Variants in ENTPD4 observed in about 807,000 individuals in gnomAD.
ENTPD4 encodes ectonucleoside triphosphate diphosphohydrolase 4, also known as Golgi UDPase.
A neutral mutation model predicts 79.1 loss-of-function variants in ENTPD4; 60 were observed. That is an observed-to-expected ratio of 0.76 (90% CI 0.62 to 0.94). ENTPD4 has a LOEUF of 0.94. Among genes scored for constraint, ENTPD4 ranks in the 40% least tolerant of loss-of-function variants. The pLI is 0.00. For missense variants in ENTPD4, 772 were observed against 775.1 expected, an observed-to-expected ratio of 1.00 and a Z score of 0.05; for synonymous variants, 276 against 292.0, an observed-to-expected ratio of 0.95 and a Z score of 0.56.
At chr8:23,452,839 G>A (rs936505462) in intron 1 of ENTPD4, among the ~76,000 whole-genome samples, 11 of 152,166 alleles carry the variant, frequency 7.2e-5, no homozygotes, top group Non-Finnish European at 1.0e-4. Flanking sequence ...ATGAGTCCTC[G>A]GTGAGTTTCC....
At position 23,439,827 on chromosome 8, in the gene ENTPD4, G is replaced by A. The variant is rs150964939; in HGVS notation, c.971C>T (p.Thr324Met). 6.2e-6 allele frequency: 10 copies of A among 1,614,074 alleles called. No individual in the cohort carries two copies. Among genetic ancestry groups the A allele is most frequent in the African/African-American group, 1.3e-5 (1 of 75,022 alleles). ...TEHVYRVYVA[T>M]FLGFGGNAAR... ...AGCATTGCCACCAAACCCAAGAAAC[G>A]TGGCCACATAGACTCGATACACATG... Residue 324 changes from threonine to methionine, a missense_variant, in exon 9 of 13, where the codon ACG becomes ATG. Coordinates refer to ENST00000358689, the MANE Select transcript of ENTPD4 (RefSeq NM_004901.5).
chr8:23,437,103 A>G lies in ENTPD4; in HGVS notation c.1205T>C (p.Phe402Ser), dbSNP rs761851175. Reference protein sequence around the residue: ...FDLCRETIQPFMNKTNETQTS... With the variant: ...FDLCRETIQPSMNKTNETQTS... ...CTGGGTCTCGTTTGTTTTATTCATGAAAGGCTGGATAGTCTCTCGACACAG... is the reference window on the plus strand; with the variant it reads ...CTGGGTCTCGTTTGTTTTATTCATGGAAGGCTGGATAGTCTCTCGACACAG... The change falls in exon 10 of 13, where the codon TTC (phenylalanine) becomes TCC (serine). Residue 402 changes from phenylalanine (F) to serine (S), a missense_variant. By Grantham distance (155) the Phe-to-Ser change is radical. Transcript: ENST00000358689. The G allele has an allele frequency of 3.1e-6, 5 of 1,614,196 alleles. No homozygotes were observed. The Admixed American group carries it at 6.7e-5, about 22-fold the overall frequency.
chr8:23,444,351 A>G lies in ENTPD4; in HGVS notation c.563+105T>C, dbSNP rs1398372414. On this transcript the variant is annotated intron_variant, in intron 5 of 12. Coordinates refer to ENST00000358689, the MANE Select transcript of ENTPD4 (RefSeq NM_004901.5). Reference sequence around the variant, plus strand: ...AAAGAATTTTGAATATTTTCCTTTCAATGATGATGATGATGATGGAGAGGA... The same window carrying G: ...AAAGAATTTTGAATATTTTCCTTTCGATGATGATGATGATGATGGAGAGGA... The G allele has an allele frequency of 7.1e-6, 7 of 992,650 alleles. No homozygotes were observed. In the South Asian group the frequency reaches 9.3e-5, roughly 13 times the overall value. The allele number at this position is 992,650 out of a possible 1,614,324, so 61.5% of individuals were successfully genotyped here.
chr8:23,447,844 T>C lies in ENTPD4; in HGVS notation c.248A>G (p.Asn83Ser), dbSNP rs142458188. Residue 83 changes from asparagine (N) to serine (S), a missense_variant, in exon 4 of 13, where the codon AAT becomes AGT. Coordinates refer to ENST00000358689, the MANE Select transcript of ENTPD4 (RefSeq NM_004901.5). ...GATCCCATAGTTCACATTGGGGTTA[T>C]TGGTGTCTGTAGCTTCAATGTCGGT... Reference protein sequence around the residue: ...RVTDIEATDTNNPNVNYGIVV... With the variant: ...RVTDIEATDTSNPNVNYGIVV... The C allele has an allele frequency of 4.8e-3, 7,737 of 1,614,200 alleles. 50 individuals carry two copies. The highest frequency in any genetic ancestry group is 6.9e-3 in the Middle Eastern group (42 of 6,062).
intron 9 of ENTPD4, among the ~76,000 whole-genome samples, chr8:23,437,586 T>G (rs941003628): frequency 1.3e-5 from 2 of 152,336 alleles, no homozygotes; most frequent in Non-Finnish European, 1.5e-5. Context: ...AGCCCCATTT[T>G]TGCACTAGTG....
intron 1 of ENTPD4, among the ~76,000 whole-genome samples, chr8:23,454,968 C>T (rs139485914): frequency 9.2e-5 from 14 of 152,242 alleles, no homozygotes; most frequent in African/African-American, 3.4e-4. Context: ...TTCAGTAATA[C>T]CACATAAAAC....
intron 4 of ENTPD4, 152 bp downstream of exon 4, chr8:23,447,528 A>G (rs913609416): frequency 1.5e-6 from 1 of 684,478 alleles, no homozygotes; most frequent in Non-Finnish European, 2.6e-6. Flanking sequence ...AATGGACAGA[A>G]AAGGGAAAAG....
chr8:23,455,890 G>A (rs1387109784), intron 1 of ENTPD4, among the ~76,000 whole-genome samples: 2 of 152,224 alleles, frequency 1.3e-5, no homozygotes, highest in East Asian at 3.9e-4. Flanking sequence ...TCCCACATCC[G>A]GTGTTGACAA....
chr8:23,455,689 C>T (rs1163826024), intron 1 of ENTPD4, among the ~76,000 whole-genome samples: 1 of 152,140 alleles, frequency 6.6e-6, no homozygotes, highest in Non-Finnish European at 1.5e-5. Flanking sequence ...CCTGAATTAA[C>T]TCTGACTTTC....
rs1487258495 is a variant in ENTPD4 at position 23,443,950 on chromosome 8, C to G, written c.567G>C (p.Gln189His). 2 of 1,603,724 alleles carry G rather than the reference C, an allele frequency of 1.2e-6. No individual in the cohort carries two copies. The highest frequency in any genetic ancestry group is 8.5e-7 in the Non-Finnish European group (1 of 1,171,366). The change falls in exon 6 of 13, where the codon CAG becomes CAC. Residue 189 changes from glutamine to histidine, a missense_variant. Physicochemically the swap from Gln to His is conservative, Grantham distance 24. Transcript: ENST00000358689. ...TAGMRILPES[Q>H]QKAILEDLLT... ...GAAGGTCTTCCAGAATAGCTTTCTG[C>G]TGGCTGTAAAGTAATAAAAACATTT...
In ENTPD4 at chr8:23,430,170, C is replaced by T; in HGVS notation, c.*2756G>A. The T allele has an allele frequency of 1.0e-6, 1 of 985,482 alleles. No homozygotes were observed. The highest frequency in any genetic ancestry group is 1.2e-6 in the Non-Finnish European group (1 of 829,956). The allele number at this position is 985,482 out of a possible 1,614,324, so 61.0% of individuals were successfully genotyped here. A position where few individuals can be genotyped will look rare whatever the true frequency, so the allele number is the denominator to read the frequency against. ...ACCCTGTATCTCTTAGAGAAAGCACCTGGCTGTCTTCACCTACGCGAGACC... is the reference window on the plus strand; with the variant it reads ...ACCCTGTATCTCTTAGAGAAAGCACTTGGCTGTCTTCACCTACGCGAGACC... On this transcript the variant is annotated 3_prime_UTR_variant, in exon 13 of 13. Coordinates refer to ENST00000358689, the MANE Select transcript of ENTPD4 (RefSeq NM_004901.5).
In ENTPD4 at chr8:23,432,985, C is replaced by CCGAGCTGCTCCGGGGAGTG; in HGVS notation, c.1773_1791dup (p.Ala598HisfsTer91). ...CCCTCCTCCATCCAGAGGGCGGCGGCCGAGCTGCTCCGGGGAGTGCGCCTG... is the reference window on the plus strand; with the variant it reads ...CCCTCCTCCATCCAGAGGGCGGCGGCCGAGCTGCTCCGGGGAGTGCGAGCTGCTCCGGGGAGTGCGCCTG... On this transcript the variant is annotated frameshift_variant, in exon 13 of 13. Transcript: ENST00000358689. LOFTEE classifies it high-confidence loss of function. The CCGAGCTGCTCCGGGGAGTG allele has an allele frequency of 6.2e-7, 1 of 1,613,616 alleles. No homozygotes were observed. The highest frequency in any genetic ancestry group is 8.5e-7 in the Non-Finnish European group (1 of 1,179,756).
rs1800437923 is a variant in ENTPD4, at chr8:23,430,671, G to C, written c.*2255C>G. 1.0e-6 allele frequency: 1 copy of C among 985,440 alleles called. No individual in the cohort carries two copies. The highest frequency in any genetic ancestry group is 1.7e-5 in the African/African-American group (1 of 57,354). The allele number at this position is 985,440 out of a possible 1,614,324, so 61.0% of individuals were successfully genotyped here. A position where few individuals can be genotyped will look rare whatever the true frequency, so the allele number is the denominator to read the frequency against. On this transcript the variant is annotated 3_prime_UTR_variant, in exon 13 of 13. Transcript: ENST00000358689. ...TGAGGTTTTCTCAGCCCTTGTTTCA[G>C]GATCCTCAGGTATGTGACTAACTCT... is the stretch of plus-strand genomic sequence containing the variant.
chr8:23,432,155 C>A lies in ENTPD4; in HGVS notation c.*771G>T. ...AAAGAAAACATATACAGTAACAGAC[C>A]TGAACAATAAATAAAAAAAAAAATC... On this transcript the variant is annotated 3_prime_UTR_variant, in exon 13 of 13. Coordinates refer to ENST00000358689, the MANE Select transcript of ENTPD4 (RefSeq NM_004901.5). 2.0e-6 allele frequency: 2 copies of A among 983,898 alleles called. No individual in the cohort carries two copies. Among genetic ancestry groups the A allele is most frequent in the Non-Finnish European group, 2.4e-6 (2 of 829,016 alleles). 60.9% of individuals were successfully genotyped at this position (983,898 alleles called of 1,614,324 possible). A position where few individuals can be genotyped will look rare whatever the true frequency, so the allele number is the denominator to read the frequency against.
intron 9 of ENTPD4, among the ~76,000 whole-genome samples, chr8:23,439,345 A>G (rs1472983300): frequency 2.0e-5 from 3 of 152,206 alleles, no homozygotes; most frequent in Admixed American, 6.5e-5. Context: ...AGAACATCAC[A>G]TATTTCAATC....
intron 5 of ENTPD4, 74 bp from the exon 6 acceptor site, chr8:23,444,027 T>C: frequency 9.5e-7 from 1 of 1,050,462 alleles, no homozygotes; most frequent in Non-Finnish European, 1.4e-6. Context: ...AGGAAAAAAA[T>C]AAACAAACAA....
At chr8:23,441,527 GA>G (rs780600191) in intron 8 of ENTPD4, 41 bp downstream of exon 8, 1 of 1,603,478 alleles carries the variant, frequency 6.2e-7, no homozygotes, top group Admixed American at 1.7e-5. Flanking sequence ...CACGTTAAAT[GA>G]AAACCAAACC....
At chr8:23,447,549 A>C in intron 4 of ENTPD4, 131 bp downstream of exon 4, 3 of 735,546 alleles carry the variant, frequency 4.1e-6, no homozygotes, top group Non-Finnish European at 4.8e-6. Context: ...AAAGTGAAAC[A>C]AGGAGACCCA....
At chr8:23,454,835 T>G (rs547647317) in intron 1 of ENTPD4, among the ~76,000 whole-genome samples, 1 of 152,342 alleles carries the variant, frequency 6.6e-6, no homozygotes, top group Admixed American at 6.5e-5. Flanking sequence ...CACTGTAATT[T>G]TAACTCAGGA....
Sources: allele counts gnomAD v4.1 joint callset (sites outside exome capture counted in the v4.1 genomes callset), GRCh38; gene constraint gnomAD v4.1.1; transcripts MANE v1.5; gene names NCBI Gene and HGNC (gene_info 2026-07-23, HGNC 2026-07-21).